The following PPP2R2C variants were observed in gnomAD, a reference collection of about 807,000 sequenced individuals.
PPP2R2C encodes the protein protein phosphatase 2 regulatory subunit Bgamma.
Under a neutral mutation model 45.3 loss-of-function variants are expected in PPP2R2C, and 10 were observed. The ratio of observed to expected loss-of-function variants is 0.22; its 90% CI spans 0.14 to 0.37. The LOEUF (loss-of-function observed/expected upper bound fraction) is 0.37, where lower values mean the gene tolerates loss of function less well. PPP2R2C is among the 10% of genes least tolerant of loss of function. The pLI is 1.00. For missense variants in PPP2R2C, 308 were observed against 619.7 expected, an observed-to-expected ratio of 0.50 and a Z score of 5.34; for synonymous variants, 257 against 245.4, an observed-to-expected ratio of 1.05 and a Z score of -0.44.
chr4:6,511,514 TGGTGGTGGTG>T (rs1560593776), intron 2 of PPP2R2C, among the ~76,000 whole-genome samples: 1 of 37,306 alleles, frequency 2.7e-5, no homozygotes, highest in Admixed American at 3.4e-4. Flanking sequence ...ATGGTGGTGG[TGGTGGTGGTG>T]ATGGTGGTGG....
chr4:6,558,729 C>T (rs944550230), intron 1 of PPP2R2C, among the ~76,000 whole-genome samples: 2 of 152,158 alleles, frequency 1.3e-5, no homozygotes, highest in Non-Finnish European at 2.9e-5. Context: ...AAGCCACACC[C>T]CACTCAACAT....
chr4:6,478,760 C>T (rs1279427804), intron 2 of PPP2R2C, among the ~76,000 whole-genome samples: 12 of 152,336 alleles, frequency 7.9e-5, no homozygotes, highest in African/African-American at 2.6e-4. Flanking sequence ...CCCTCCAAAA[C>T]GCAGCGGCTT....
At chr4:6,371,074 G>T (rs1714786064) in intron 5 of PPP2R2C, among the ~76,000 whole-genome samples, 1 of 152,160 alleles carries the variant, frequency 6.6e-6, no homozygotes, top group African/African-American at 2.4e-5. Context: ...TCACACATAG[G>T]GGCTCACTGA....
At chr4:6,342,946 G>T (rs73795985) in intron 6 of PPP2R2C, among the ~76,000 whole-genome samples, 1 of 152,168 alleles carries the variant, frequency 6.6e-6, no homozygotes, top group Non-Finnish European at 1.5e-5. Context: ...CTTCATTCGC[G>T]GTCTGATTCT....
intron 1 of PPP2R2C, among the ~76,000 whole-genome samples, chr4:6,544,488 G>A (rs934668152): frequency 4.6e-5 from 7 of 152,150 alleles, no homozygotes; most frequent in African/African-American, 1.7e-4. Context: ...GATTAGAGGT[G>A]TGGGCCACCA....
chr4:6,521,230 C>T (rs943827907), intron 2 of PPP2R2C, among the ~76,000 whole-genome samples: 1 of 152,208 alleles, frequency 6.6e-6, no homozygotes, highest in Non-Finnish European at 1.5e-5. Flanking sequence ...CAGCCCTGTG[C>T]CCTAGGCAAA....
At chr4:6,335,115 C>T (rs61284328) in intron 6 of PPP2R2C, among the ~76,000 whole-genome samples, 11,072 of 152,254 alleles carry the variant, frequency 0.073, 1,238 homozygotes, top group African/African-American at 0.24. Flanking sequence ...CCAATGCAAA[C>T]AGCACCTACT....
intron 2 of PPP2R2C, among the ~76,000 whole-genome samples, chr4:6,484,237 T>A (rs1340950348): frequency 2.0e-5 from 3 of 152,006 alleles, no homozygotes; most frequent in South Asian, 4.1e-4. Context: ...TATCTAAATA[T>A]TCTCCACTAA....
chr4:6,557,516 G>T lies in PPP2R2C; in HGVS notation c.-59+6044C>A, dbSNP rs4597907. ...TCTGGAGAGAGGACATGGAAGCTGC[G>T]ACCTGAAGGATGAGTTAGAGTGAGT... On this transcript the variant is annotated intron_variant, in intron 1 of 9. Transcript: ENST00000506140. 8.5e-3 allele frequency among the ~76,000 whole-genome samples: 1,296 copies of T among 152,300 alleles called. 25 individuals carry two copies. The highest frequency in any genetic ancestry group is 0.03 in the African/African-American group (1,226 of 41,540).
chr4:6,460,933 C>T (rs564290912), intron 1 of PPP2R2C, among the ~76,000 whole-genome samples: 54 of 152,218 alleles, frequency 3.5e-4, no homozygotes, highest in Admixed American at 1.6e-3. Context: ...CTTCCCATCC[C>T]GCTCCAGCTC....
intron 2 of PPP2R2C, among the ~76,000 whole-genome samples, chr4:6,533,888 A>T (rs1378113217): frequency 6.6e-6 from 1 of 152,120 alleles, no homozygotes; most frequent in Non-Finnish European, 1.5e-5. Flanking sequence ...ACACGCACAC[A>T]TCAACATACA....
chr4:6,411,021 C>A (rs147048293), intron 1 of PPP2R2C, among the ~76,000 whole-genome samples: 1 of 152,036 alleles, frequency 6.6e-6, no homozygotes, highest in East Asian at 1.9e-4. Flanking sequence ...CAGGCGCATG[C>A]CACCACACCT....
chr4:6,458,807 C>G lies in PPP2R2C; in HGVS notation c.70+13353G>C, dbSNP rs112198438. Among the ~76,000 whole-genome samples the G allele has an allele frequency of 6.6e-4, 100 of 152,242 alleles. 1 individual carries two copies. The highest frequency in any genetic ancestry group is 2.4e-3 in the African/African-American group (98 of 41,540). ...GACCCTGGGCTATGTTTCAGAAAGG[C>G]CTGGATTCCTGTCCTGTCTCATGAT... is the stretch of plus-strand genomic sequence containing the variant. On this transcript the variant is annotated intron_variant, in intron 1 of 8. Transcript: ENST00000382599.
In PPP2R2C at chr4:6,497,494, T is replaced by C. The variant is rs144971070; in HGVS notation, c.49+37777A>G. Among the ~76,000 whole-genome samples the C allele has an allele frequency of 4.3e-3, 650 of 152,244 alleles. 4 individuals are homozygous for C. The highest frequency in any genetic ancestry group is 0.014 in the African/African-American group (599 of 41,530). ...GAAAAGAAAAAAAAATTAAAATCCC[T>C]ACCTCAAACCCTAGACAAAAATAAA... On this transcript the variant is annotated intron_variant, in intron 2 of 9. Transcript: ENST00000506140.
At chr4:6,369,224 A>G (rs574212879) in intron 5 of PPP2R2C, among the ~76,000 whole-genome samples, 3 of 152,316 alleles carry the variant, frequency 2.0e-5, no homozygotes, top group South Asian at 4.1e-4. Context: ...TCAGTCACCA[A>G]GCCACGTTTT....
intron 1 of PPP2R2C, among the ~76,000 whole-genome samples, chr4:6,408,980 A>G (rs1717982577): frequency 6.7e-6 from 1 of 149,706 alleles, no homozygotes; most frequent in Non-Finnish European, 1.5e-5. Flanking sequence ...CATTTTATTC[A>G]CCACCCTGGA....
chr4:6,349,459 T>C (rs1201355750), intron 5 of PPP2R2C: 3 of 984,870 alleles, frequency 3.0e-6, no homozygotes, highest in Non-Finnish European at 3.6e-6. Context: ...CAGAGCTCAA[T>C]GAATGTCAGT....
chr4:6,529,158 G>A (rs933250400), intron 2 of PPP2R2C, among the ~76,000 whole-genome samples: 6 of 152,248 alleles, frequency 3.9e-5, no homozygotes, highest in Admixed American at 1.3e-4. Context: ...TGGGCCGTAG[G>A]CCTGAACATC....
chr4:6,399,533 G>T (rs759621141), intron 1 of PPP2R2C, among the ~76,000 whole-genome samples: 104 of 152,216 alleles, frequency 6.8e-4, no homozygotes, highest in Non-Finnish European at 1.3e-3. Flanking sequence ...AATGAGTCGT[G>T]CCAGGCACAG....
Sources: gnomAD v4.1 joint callset for allele counts (sites outside exome capture counted in the v4.1 genomes callset) on GRCh38, gnomAD v4.1.1 for gene constraint, MANE v1.5 for transcripts, NCBI Gene and HGNC (gene_info 2026-07-23, HGNC 2026-07-21) for gene names.